VPS13C: variants seen among roughly 807,000 people sequenced by gnomAD.
VPS13C encodes intermembrane lipid transfer protein VPS13C.
Under a neutral mutation model 456.8 loss-of-function variants are expected in VPS13C, and 358 were observed. The observed-to-expected ratio is 0.78, with a 90% confidence interval of 0.72 to 0.86. The LOEUF is 0.86. VPS13C is among the 40% of genes least tolerant of loss of function. VPS13C has a pLI of 0.00. For missense variants in VPS13C, 4,818 were observed against 4,385.4 expected, an observed-to-expected ratio of 1.10 and a Z score of -2.79; for synonymous variants, 1,578 against 1,486.7, an observed-to-expected ratio of 1.06 and a Z score of -1.41.
intron 81 of VPS13C, chr15:61,866,817 G>A: frequency 1.0e-6 from 1 of 976,476 alleles, no homozygotes. Context: ...TTTGATAACT[G>A]CAATCCTTAA....
chr15:61,944,811 AAG>A (rs1596364564), intron 45 of VPS13C, among the ~76,000 whole-genome samples: 1 of 152,208 alleles, frequency 6.6e-6, no homozygotes, highest in Non-Finnish European at 1.5e-5. Flanking sequence ...TGAAGTCCAA[AAG>A]AGTTGAAATT....
At chr15:61,870,265 G>A (rs1319498044) in intron 79 of VPS13C, among the ~76,000 whole-genome samples, 1 of 151,564 alleles carries the variant, frequency 6.6e-6, no homozygotes, top group African/African-American at 2.4e-5. Context: ...CTTACTCAGT[G>A]TACCTCCATT....
At chr15:61,891,540 T>A (rs939411510) in intron 66 of VPS13C, among the ~76,000 whole-genome samples, 7 of 152,202 alleles carry the variant, frequency 4.6e-5, no homozygotes, top group African/African-American at 1.7e-4. Flanking sequence ...TAGTTCACAG[T>A]TATTATTCCA....
At position 61,910,261 on chromosome 15, in the gene VPS13C, C is replaced by A; in HGVS notation, c.8760G>T (p.Val2920=). 3 of 1,527,728 alleles carry A rather than the reference C, an allele frequency of 2.0e-6. No individual in the cohort carries two copies. Among genetic ancestry groups the A allele is most frequent in the Non-Finnish European group, 2.7e-6 (3 of 1,131,866 alleles). 94.6% of individuals were successfully genotyped at this position (1,527,728 alleles called of 1,614,324 possible). A position where few individuals can be genotyped will look rare whatever the true frequency, so the allele number is the denominator to read the frequency against. ...AAGATCCTTCACAGCCCACCACTCT[C>A]ACACAAAGTTTGCCTGACAAACTTT... is the stretch of plus-strand genomic sequence containing the variant. ...WPESLSGKLC[V]RVVGCEGSSK... Residue 2920 remains valine, a synonymous_variant, in exon 64 of 85, where the codon GTG becomes GTT. Transcript: ENST00000644861.
At chr15:62,005,720 T>G (rs2046812336) in intron 15 of VPS13C, among the ~76,000 whole-genome samples, 1 of 152,024 alleles carries the variant, frequency 6.6e-6, no homozygotes, top group African/African-American at 2.4e-5. Context: ...ATTTTTTTCT[T>G]GAGAGGGAGT....
intron 76 of VPS13C, 44 bp downstream of exon 76, chr15:61,875,688 C>T: frequency 7.3e-7 from 1 of 1,368,806 alleles, no homozygotes; most frequent in Non-Finnish European, 1.0e-6. Flanking sequence ...AATAGACCAT[C>T]CATTTTTCTG....
intron 66 of VPS13C, among the ~76,000 whole-genome samples, chr15:61,890,756 T>C (rs2042624891): frequency 6.6e-6 from 1 of 152,140 alleles, no homozygotes; most frequent in Non-Finnish European, 1.5e-5. Flanking sequence ...TTATTAGAGA[T>C]GTAACCTTAG....
intron 20 of VPS13C, among the ~76,000 whole-genome samples, chr15:61,982,883 G>A (rs2045929259): frequency 6.6e-6 from 1 of 152,162 alleles, no homozygotes; most frequent in Non-Finnish European, 1.5e-5. Flanking sequence ...AGATGAAACA[G>A]TACTTCTCTA....
chr15:61,966,949 G>T (rs535713050), intron 29 of VPS13C, among the ~76,000 whole-genome samples: 2 of 152,034 alleles, frequency 1.3e-5, no homozygotes, highest in East Asian at 3.9e-4. Context: ...AATACCATCA[G>T]TTCCTTCAGT....
chr15:62,020,394 A>G, intron 9 of VPS13C, 85 bp downstream of exon 9: 1 of 1,153,138 alleles, frequency 8.7e-7, no homozygotes, highest in Non-Finnish European at 1.2e-6. Flanking sequence ...TCTTTGTCGC[A>G]TAGTTGATTC....
In VPS13C at chr15:61,853,394, T is replaced by A. The variant is rs1893745558; in HGVS notation, c.*1063A>T. The A allele has an allele frequency of 6.6e-6, 1 of 152,216 alleles. No individual in the cohort carries two copies. The highest frequency in any genetic ancestry group is 1.5e-5 in the Non-Finnish European group (1 of 68,038). The allele number at this position is 152,216 out of a possible 1,614,324, so 9.4% of individuals were successfully genotyped here. A position where few individuals can be genotyped will look rare whatever the true frequency, so the allele number is the denominator to read the frequency against. On this transcript the variant is annotated 3_prime_UTR_variant, in exon 85 of 85. Transcript: ENST00000644861. The stretch of plus-strand genomic sequence containing the variant: ...ACTTAAAGTGCAGTATTTTCATGTA[T>A]CAGCAAATAATAATTGTGTCATATA...
intron 9 of VPS13C, among the ~76,000 whole-genome samples, chr15:62,015,494 C>A (rs1009758452): frequency 5.3e-5 from 8 of 151,090 alleles, no homozygotes; most frequent in African/African-American, 2.0e-4. Flanking sequence ...TATTGCGGCA[C>A]TATTCACAAT....
intron 54 of VPS13C, among the ~76,000 whole-genome samples, 163 bp downstream of exon 54, chr15:61,922,234 A>C (rs146460110): frequency 1.8e-4 from 28 of 152,338 alleles, no homozygotes; most frequent in South Asian, 4.1e-4. Context: ...TCTTTAAAAA[A>C]TAATTATCAA....
intron 15 of VPS13C, among the ~76,000 whole-genome samples, chr15:62,002,381 G>C (rs2046656345): frequency 2.6e-5 from 4 of 152,030 alleles, no homozygotes. Context: ...TTTTTTTCTT[G>C]TAAATTTGTT....
chr15:61,865,607 T>C (rs1205568757), intron 81 of VPS13C: 1 of 526,760 alleles, frequency 1.9e-6, no homozygotes, highest in Non-Finnish European at 2.4e-6. Flanking sequence ...TATATGTATG[T>C]GTATATATGT....
rs541359558 is a variant in VPS13C at position 62,034,964 on chromosome 15, A to G, written c.276T>C (p.Pro92=). ...TLEGLYLLVV[P]GASIKYDAVK... The stretch of plus-strand genomic sequence containing the variant: ...TAACCTAAAATAACATACTTGCTCC[A>G]GGGACAACAAGCAGGTATAATCCTT... The change falls in exon 4 of 85, where the codon CCT becomes CCC. Residue 92 remains proline, a synonymous_variant. Coordinates refer to ENST00000644861, the MANE Select transcript of VPS13C (RefSeq NM_020821.3). 3.1e-6 allele frequency: 5 copies of G among 1,591,872 alleles called. No individual in the cohort carries two copies. Among genetic ancestry groups the G allele is most frequent in the South Asian group, 1.2e-5 (1 of 86,882 alleles).
intron 24 of VPS13C, among the ~76,000 whole-genome samples, chr15:61,976,159 AT>A: frequency 6.6e-6 from 1 of 151,974 alleles, no homozygotes; most frequent in East Asian, 1.9e-4. Flanking sequence ...AGCATTTCAA[AT>A]TTTTGGTCTT....
chr15:61,929,449 A>G (rs1266905153), intron 51 of VPS13C, 52 bp downstream of exon 51: 4 of 1,551,534 alleles, frequency 2.6e-6, no homozygotes, highest in Non-Finnish European at 3.5e-6. Context: ...CTGGTTTGTA[A>G]TTCTTGTCAA....
At chr15:61,943,431 G>C (rs536964262) in intron 45 of VPS13C, among the ~76,000 whole-genome samples, 1 of 152,110 alleles carries the variant, frequency 6.6e-6, no homozygotes, top group African/African-American at 2.4e-5. Flanking sequence ...AACAGACCAA[G>C]GGAACAGAAT....
Sources: gnomAD v4.1 joint callset for allele counts (sites outside exome capture counted in the v4.1 genomes callset) on GRCh38, gnomAD v4.1.1 for gene constraint, MANE v1.5 for transcripts, NCBI Gene and HGNC (gene_info 2026-07-23, HGNC 2026-07-21) for gene names.